The following HTR7 variants were observed in gnomAD, a reference collection of about 807,000 sequenced individuals.
HTR7 encodes 5-HT-7.
HTR7 carries 16 observed loss-of-function variants against 34.0 expected under a neutral mutation model. That is an observed-to-expected ratio of 0.47 (90% CI 0.32 to 0.71). The LOEUF (loss-of-function observed/expected upper bound fraction) is 0.71. Among genes scored for constraint, HTR7 ranks in the 30% least tolerant of loss-of-function variants. The probability of loss-of-function intolerance (pLI) is 0.04; values close to 1 mark genes in which losing one functional copy is unlikely to be tolerated. For missense variants in HTR7, 504 were observed against 625.5 expected (o/e 0.81, Z 2.07); for synonymous variants, 265 against 260.2 (o/e 1.02, Z -0.18).
At chr10:90,832,685 G>A (rs1300554925) in intron 1 of HTR7, among the ~76,000 whole-genome samples, 1 of 152,194 alleles carries the variant, frequency 6.6e-6, no homozygotes, top group East Asian at 1.9e-4. Flanking sequence ...CGAGGCCAAG[G>A]AGGCACCGAG....
intron 1 of HTR7, among the ~76,000 whole-genome samples, chr10:90,841,352 A>G (rs1239405139): frequency 6.6e-6 from 1 of 152,238 alleles, no homozygotes; most frequent in Non-Finnish European, 1.5e-5. Flanking sequence ...CCACAAACTC[A>G]GTGGCTTAAA....
intron 1 of HTR7, among the ~76,000 whole-genome samples, chr10:90,767,192 CA>C (rs1443398255): frequency 6.6e-6 from 1 of 152,094 alleles, no homozygotes; most frequent in Non-Finnish European, 1.5e-5. Context: ...TCAGTGGGGT[CA>C]TAGGCTGGGT....
intron 1 of HTR7, among the ~76,000 whole-genome samples, chr10:90,827,480 A>T (rs977563983): frequency 6.6e-6 from 1 of 152,214 alleles, no homozygotes; most frequent in African/African-American, 2.4e-5. Context: ...TACTAAAAAC[A>T]CACTAACATA....
intron 1 of HTR7, among the ~76,000 whole-genome samples, chr10:90,824,181 G>A (rs997882666): frequency 6.6e-6 from 1 of 152,226 alleles, no homozygotes; most frequent in African/African-American, 2.4e-5. Context: ...GATATCAGCT[G>A]AGCCACAACA....
At chr10:90,802,523 G>A (rs540065003) in intron 1 of HTR7, among the ~76,000 whole-genome samples, 154 of 152,276 alleles carry the variant, frequency 1.0e-3, no homozygotes, top group African/African-American at 3.6e-3. Flanking sequence ...TTTGAATTGA[G>A]TCACTACTGG....
At chr10:90,763,828 G>T (rs887463812) in intron 1 of HTR7, among the ~76,000 whole-genome samples, 1 of 152,164 alleles carries the variant, frequency 6.6e-6, no homozygotes, top group African/African-American at 2.4e-5. Flanking sequence ...GTATTCCATG[G>T]TGTATATGTA....
intron 1 of HTR7, among the ~76,000 whole-genome samples, chr10:90,765,796 A>G (rs1017055115): frequency 6.6e-6 from 1 of 152,150 alleles, no homozygotes; most frequent in Non-Finnish European, 1.5e-5. Context: ...GTTCAGAACT[A>G]TGTTGTTTAA....
At chr10:90,757,778 G>T (rs988278227) in intron 1 of HTR7, among the ~76,000 whole-genome samples, 7 of 151,978 alleles carry the variant, frequency 4.6e-5, no homozygotes, top group Non-Finnish European at 1.0e-4. Flanking sequence ...TAACAACAAT[G>T]AAAGGAAAAA....
intron 1 of HTR7, among the ~76,000 whole-genome samples, chr10:90,751,339 G>A (rs1048631868): frequency 6.6e-6 from 1 of 152,200 alleles, no homozygotes; most frequent in African/African-American, 2.4e-5. Context: ...GGAGGGAAAA[G>A]AAAAATCTAG....
At chr10:90,806,807 AGT>A (rs2119946268) in intron 1 of HTR7, among the ~76,000 whole-genome samples, 2 of 152,244 alleles carry the variant, frequency 1.3e-5, no homozygotes, top group South Asian at 4.2e-4. Context: ...AAAGTAAAAG[AGT>A]GTGCTGGGCT....
At chr10:90,837,442 C>T (rs1484090128) in intron 1 of HTR7, among the ~76,000 whole-genome samples, 1 of 152,166 alleles carries the variant, frequency 6.6e-6, no homozygotes, top group Non-Finnish European at 1.5e-5. Flanking sequence ...GGATTAATGT[C>T]ACTACCATGG....
rs185490718 is a variant in HTR7, at chr10:90,793,668, A to T, written c.540-44074T>A. On this transcript the variant is annotated intron_variant, in intron 1 of 3. Coordinates refer to ENST00000336152, the MANE Select transcript of HTR7 (RefSeq NM_019859.4). Reference sequence around the variant, plus strand: ...TGGCTGTATATATGAAGGGGAGTTTATTAAGGAGTATTGACACACACGATC... The same window carrying T: ...TGGCTGTATATATGAAGGGGAGTTTTTTAAGGAGTATTGACACACACGATC... 2.8e-4 allele frequency among the ~76,000 whole-genome samples: 42 copies of T among 152,128 alleles called. No homozygotes were observed. The East Asian group carries it at 7.5e-3, about 27-fold the overall frequency.
chr10:90,819,390 C>T (rs1845943807), intron 1 of HTR7, among the ~76,000 whole-genome samples: 2 of 152,122 alleles, frequency 1.3e-5, no homozygotes, highest in African/African-American at 4.8e-5. Flanking sequence ...GAAATTCTCT[C>T]CTCCTCCCTT....
chr10:90,763,405 G>C (rs949883438), intron 1 of HTR7, among the ~76,000 whole-genome samples: 1 of 146,394 alleles, frequency 6.8e-6, no homozygotes, highest in Non-Finnish European at 1.5e-5. Context: ...TACTATAATT[G>C]GAATTGTTTT....
At chr10:90,825,655 G>C (rs1846060005) in intron 1 of HTR7, among the ~76,000 whole-genome samples, 1 of 152,028 alleles carries the variant, frequency 6.6e-6, no homozygotes, top group Non-Finnish European at 1.5e-5. Flanking sequence ...TATAACAAAG[G>C]AATTCATAAT....
chr10:90,749,295 C>G lies in HTR7; in HGVS notation c.839G>C (p.Arg280Pro), dbSNP rs138510160. ...GGCGATGACGCTGTCTGGCTCCACT[C>G]GAGGGAAGCCAGGAAACTTGTGTTT... is the stretch of plus-strand genomic sequence containing the variant. The part of the protein sequence containing the change: ...AAKHKFPGFP[R>P]VEPDSVIALN... Residue 280 changes from arginine to proline, a missense_variant, in exon 2 of 4, where the codon CGA becomes CCA. Arg to Pro is a moderately radical substitution (Grantham distance 103). This residue lies in a region of HTR7 where 57 missense variants were observed against 47.5 expected (regional missense o/e 1.20). Transcript: ENST00000336152. The surrounding 1 kb of genome is among the most constrained non-coding windows in gnomAD (Gnocchi z 4.2). The G allele has an allele frequency of 6.2e-7, 1 of 1,614,106 alleles. No individual in the cohort carries two copies. Among genetic ancestry groups the G allele is most frequent in the Non-Finnish European group, 8.5e-7 (1 of 1,180,022 alleles).
intron 1 of HTR7, among the ~76,000 whole-genome samples, chr10:90,823,956 G>C (rs2120021804): frequency 6.6e-6 from 1 of 152,272 alleles, no homozygotes; most frequent in Middle Eastern, 3.4e-3. Flanking sequence ...GCCTCCTGTA[G>C]AGCCTTCAGA....
At chr10:90,783,621 TGCTTTTTAGAGATAG>T (rs1845339745) in intron 1 of HTR7, among the ~76,000 whole-genome samples, 1 of 152,226 alleles carries the variant, frequency 6.6e-6, no homozygotes. Context: ...TTTAGTGTTT[TGCTTTTTAGAGATAG>T]GCTTTTTAGA....
intron 1 of HTR7, among the ~76,000 whole-genome samples, chr10:90,781,990 G>A (rs535236251): frequency 6.6e-6 from 1 of 152,190 alleles, no homozygotes; most frequent in African/African-American, 2.4e-5. Context: ...CTCTGCCTGG[G>A]TTGGATCAGG....
Sources: gnomAD v4.1 joint callset for allele counts (sites outside exome capture counted in the v4.1 genomes callset) on GRCh38, gnomAD v4.1.1 for gene constraint, gnomAD v4.1.1 regional missense constraint, Gnocchi (gnomAD v3.1) non-coding constraint, MANE v1.5 for transcripts, NCBI Gene and HGNC (gene_info 2026-07-23, HGNC 2026-07-21) for gene names.